AGBL4: variants seen among roughly 807,000 people sequenced by gnomAD.
The protein encoded by AGBL4 is cytosolic carboxypeptidase 6.
Under a neutral mutation model 66.4 loss-of-function variants are expected in AGBL4, and 58 were observed. That is an observed-to-expected ratio of 0.87 (90% CI 0.71 to 1.09). The LOEUF is 1.09. Ranked by LOEUF, AGBL4 falls within the 50% of genes least tolerant of loss-of-function variation. The pLI is 0.00. For missense variants in AGBL4, 579 were observed against 631.0 expected (o/e 0.92, Z 0.88); for synonymous variants, 234 against 222.9 (o/e 1.05, Z -0.44).
intron 6 of AGBL4, among the ~76,000 whole-genome samples, chr1:48,673,233 C>G (rs1364922248): frequency 6.6e-6 from 1 of 152,098 alleles, no homozygotes; most frequent in Non-Finnish European, 1.5e-5. Flanking sequence ...GAGGTGCAAA[C>G]AGAAATTCAA....
chr1:48,858,909 A>G (rs1647264177), intron 6 of AGBL4, among the ~76,000 whole-genome samples: 1 of 152,188 alleles, frequency 6.6e-6, no homozygotes, highest in East Asian at 1.9e-4. Flanking sequence ...AAATCTTTCT[A>G]AAAGTATGAT....
chr1:49,066,846 G>A (rs1447928667), intron 4 of AGBL4, among the ~76,000 whole-genome samples: 1 of 152,170 alleles, frequency 6.6e-6, no homozygotes, highest in Non-Finnish European at 1.5e-5. Flanking sequence ...CCCTGCCTAT[G>A]AGAGTAGTAT....
At chr1:49,898,657 C>G (rs1047072562) in intron 1 of AGBL4, among the ~76,000 whole-genome samples, 3 of 152,138 alleles carry the variant, frequency 2.0e-5, no homozygotes, top group Non-Finnish European at 4.4e-5. Context: ...AAAGGCATAT[C>G]TGCACACCCA....
intron 8 of AGBL4, among the ~76,000 whole-genome samples, chr1:48,651,602 C>T (rs949544550): frequency 2.0e-5 from 3 of 152,198 alleles, no homozygotes; most frequent in Admixed American, 1.3e-4. Flanking sequence ...ATAAAACTTG[C>T]GAATGCTAAT....
chr1:49,130,629 T>C (rs953690097), intron 4 of AGBL4, among the ~76,000 whole-genome samples: 8 of 152,066 alleles, frequency 5.3e-5, no homozygotes, highest in Non-Finnish European at 1.2e-4. Flanking sequence ...GTTGTAGATA[T>C]GCGGCATTAT....
chr1:49,247,266 A>G (rs1050137127), intron 3 of AGBL4, among the ~76,000 whole-genome samples: 2 of 152,124 alleles, frequency 1.3e-5, no homozygotes, highest in Admixed American at 6.6e-5. Context: ...GAAAATCAAA[A>G]GTATATCCTC....
At chr1:48,666,537 C>T (rs896814199) in intron 6 of AGBL4, among the ~76,000 whole-genome samples, 3 of 152,230 alleles carry the variant, frequency 2.0e-5, no homozygotes, top group Non-Finnish European at 2.9e-5. Flanking sequence ...TGCACACACA[C>T]ATACACAGAC....
chr1:49,727,519 T>C (rs1358758576), intron 2 of AGBL4, among the ~76,000 whole-genome samples: 6 of 152,106 alleles, frequency 3.9e-5, no homozygotes, highest in Non-Finnish European at 8.8e-5. Context: ...TTAACAGAAA[T>C]TTGAACCAAT....
At chr1:49,181,116 G>A (rs1349463203) in intron 4 of AGBL4, among the ~76,000 whole-genome samples, 1 of 152,072 alleles carries the variant, frequency 6.6e-6, no homozygotes, top group East Asian at 1.9e-4. Flanking sequence ...TTTAGGCTGA[G>A]ATCCCTCTAC....
At chr1:48,897,742 T>C (rs542416148) in intron 5 of AGBL4, among the ~76,000 whole-genome samples, 3 of 152,268 alleles carry the variant, frequency 2.0e-5, no homozygotes, top group African/African-American at 7.2e-5. Flanking sequence ...GAGCATTTTT[T>C]CATATACCTG....
At chr1:48,548,822 C>G (rs1644206036) in intron 11 of AGBL4, among the ~76,000 whole-genome samples, 1 of 152,196 alleles carries the variant, frequency 6.6e-6, no homozygotes, top group Admixed American at 6.5e-5. Flanking sequence ...GATGAAAAAT[C>G]AGAAGTCACT....
chr1:49,410,794 C>G (rs1443088117), intron 3 of AGBL4, among the ~76,000 whole-genome samples: 1 of 152,078 alleles, frequency 6.6e-6, no homozygotes, highest in African/African-American at 2.4e-5. Context: ...ATTGGATATG[C>G]TAGGATCCCT....
At chr1:49,022,917 C>A (rs944753727) in intron 5 of AGBL4, among the ~76,000 whole-genome samples, 4 of 152,118 alleles carry the variant, frequency 2.6e-5, no homozygotes, top group Non-Finnish European at 5.9e-5. Context: ...ACAAATGAGG[C>A]AACTGGGGAT....
intron 2 of AGBL4, among the ~76,000 whole-genome samples, chr1:49,769,081 T>G (rs183011746): frequency 6.6e-6 from 1 of 152,122 alleles, no homozygotes; most frequent in Non-Finnish European, 1.5e-5. Flanking sequence ...TCTTGTGACC[T>G]CGTGATCTGC....
chr1:49,020,394 G>C (rs1663157542), intron 5 of AGBL4, among the ~76,000 whole-genome samples: 1 of 152,210 alleles, frequency 6.6e-6, no homozygotes, highest in Admixed American at 6.5e-5. Flanking sequence ...TGGTACCCTT[G>C]ACAGGTGATC....
At chr1:49,135,316 A>C (rs1459660018) in intron 4 of AGBL4, among the ~76,000 whole-genome samples, 1 of 152,164 alleles carries the variant, frequency 6.6e-6, no homozygotes, top group African/African-American at 2.4e-5. Flanking sequence ...TATTTTTATA[A>C]TCTAAATTTT....
chr1:48,562,380 ATGCCTT>A, intron 11 of AGBL4, among the ~76,000 whole-genome samples: 2 of 152,266 alleles, frequency 1.3e-5, no homozygotes, highest in Middle Eastern at 6.8e-3. Flanking sequence ...AACTTGTGGA[ATGCCTT>A]CCTGTTCCTC....
chr1:49,927,166 C>T (rs1194963836), intron 1 of AGBL4, among the ~76,000 whole-genome samples: 1 of 152,150 alleles, frequency 6.6e-6, no homozygotes, highest in Non-Finnish European at 1.5e-5. Flanking sequence ...CCCACCAACT[C>T]AAATGTTAAT....
chr1:48,847,030 G>A (rs1427147127), intron 6 of AGBL4, among the ~76,000 whole-genome samples: 3 of 152,162 alleles, frequency 2.0e-5, no homozygotes, highest in African/African-American at 7.2e-5. Flanking sequence ...GCTGGGCCTG[G>A]TGGCTCATGC....
Sources: gnomAD v4.1 joint callset for allele counts (sites outside exome capture counted in the v4.1 genomes callset) on GRCh38, gnomAD v4.1.1 for gene constraint, MANE v1.5 for transcripts, NCBI Gene and HGNC (gene_info 2026-07-23, HGNC 2026-07-21) for gene names.